Variants in TENM4 observed in about 807,000 individuals in gnomAD.
TENM4 encodes teneurin-4.
TENM4 carries 82 observed loss-of-function variants against 243.3 expected under a neutral mutation model. That is an observed-to-expected ratio of 0.34 (90% CI 0.28 to 0.40). The LOEUF (loss-of-function observed/expected upper bound fraction) is 0.40. TENM4 is among the 10% of genes least tolerant of loss of function. The probability of loss-of-function intolerance (pLI) is 1.00; values close to 1 mark genes in which losing one functional copy is unlikely to be tolerated. For missense variants in TENM4, 3,138 were observed against 3,673.3 expected (o/e 0.85, Z 3.77); for synonymous variants, 1,412 against 1,456.3 (o/e 0.97, Z 0.69).
chr11:78,670,120 G>A lies in TENM4; in HGVS notation c.6225C>T (p.Gly2075=). The change falls in exon 32 of 34, where the codon GGC becomes GGT. Residue 2075 remains glycine, a synonymous_variant. Coordinates refer to ENST00000278550, the MANE Select transcript of TENM4 (RefSeq NM_001098816.3). ...DRQIFRFTEE[G]MVNARFDYNY... ...TGTAGTCAAAACGGGCGTTGACCATGCCTTCCTCAGTGAAGCGGAAGATCT... is the reference window on the plus strand; with the variant it reads ...TGTAGTCAAAACGGGCGTTGACCATACCTTCCTCAGTGAAGCGGAAGATCT... 1 of 1,613,982 alleles carries A rather than the reference G, an allele frequency of 6.2e-7. No homozygotes were observed. Among genetic ancestry groups the A allele is most frequent in the Non-Finnish European group, 8.5e-7 (1 of 1,179,894 alleles).
intron 6 of TENM4, among the ~76,000 whole-genome samples, chr11:78,992,401 C>G (rs1031603210): frequency 6.6e-6 from 1 of 152,240 alleles, no homozygotes; most frequent in Non-Finnish European, 1.5e-5. Flanking sequence ...ATTGCCTTCT[C>G]TCTTGTACTG....
At chr11:79,174,991 A>G (rs1252634473) in intron 3 of TENM4, among the ~76,000 whole-genome samples, 2 of 152,180 alleles carry the variant, frequency 1.3e-5, no homozygotes, top group African/African-American at 4.8e-5. Context: ...GTAATATACT[A>G]TCTATCTCTA....
At chr11:78,836,812 T>A (rs1858127244) in intron 12 of TENM4, among the ~76,000 whole-genome samples, 1 of 152,312 alleles carries the variant, frequency 6.6e-6, no homozygotes. Flanking sequence ...GGCTAATGGT[T>A]TTAACTTAAT....
intron 26 of TENM4, among the ~76,000 whole-genome samples, chr11:78,709,829 G>A (rs1244522377): frequency 2.0e-5 from 3 of 152,220 alleles, no homozygotes; most frequent in African/African-American, 4.8e-5. Flanking sequence ...AATTCAGCGG[G>A]TGGCTAGGAC....
chr11:78,940,380 T>C (rs961667720), intron 6 of TENM4, among the ~76,000 whole-genome samples: 1 of 152,248 alleles, frequency 6.6e-6, no homozygotes. Flanking sequence ...GAATCATAAG[T>C]TCTGCCAAGG....
intron 3 of TENM4, among the ~76,000 whole-genome samples, chr11:79,198,830 C>T (rs1863686845): frequency 6.6e-6 from 1 of 152,150 alleles, no homozygotes; most frequent in Admixed American, 6.5e-5. Context: ...GAGATGATGG[C>T]ACTTGAAGAA....
chr11:79,401,000 G>A lies in TENM4; in HGVS notation c.-321+39509C>T, dbSNP rs975615226. Among the ~76,000 whole-genome samples, 3 of 152,182 alleles carry A rather than the reference G, an allele frequency of 2.0e-5. No individual in the cohort carries two copies. The East Asian group carries it at 5.8e-4, about 29-fold the overall frequency. ...CTTGGCCCTGAGAAGCTCTGATTGG[G>A]ATTTATAAGGCCTATGATTACTAAA... On this transcript the variant is annotated intron_variant, in intron 1 of 33. Transcript: ENST00000278550.
At chr11:78,666,380 C>G (rs957325444) in intron 32 of TENM4, among the ~76,000 whole-genome samples, 2 of 152,132 alleles carry the variant, frequency 1.3e-5, no homozygotes, top group Non-Finnish European at 2.9e-5. Context: ...TGTTTTATTG[C>G]AATGTAAAAT....
chr11:78,817,444 G>A (rs74600902), intron 12 of TENM4, among the ~76,000 whole-genome samples: 4 of 152,262 alleles, frequency 2.6e-5, no homozygotes, highest in South Asian at 2.1e-4. Flanking sequence ...ACGTGGCCTC[G>A]TTTCAGGGCA....
chr11:78,744,382 T>C (rs1855999674), intron 19 of TENM4, among the ~76,000 whole-genome samples: 1 of 152,264 alleles, frequency 6.6e-6, no homozygotes, highest in African/African-American at 2.4e-5. Context: ...AACATTCGAG[T>C]CAGAAGAACC....
intron 12 of TENM4, among the ~76,000 whole-genome samples, chr11:78,838,619 C>G (rs1858176881): frequency 7.7e-6 from 1 of 129,414 alleles, no homozygotes; most frequent in Non-Finnish European, 1.8e-5. Context: ...GAAAATTCCT[C>G]TAGGGGGCAG....
chr11:79,069,815 T>A lies in TENM4; in HGVS notation c.130A>T (p.Thr44Ser). 1 of 1,551,090 alleles carries A rather than the reference T, an allele frequency of 6.4e-7. No individual in the cohort carries two copies. The highest frequency in any genetic ancestry group is 8.7e-7 in the Non-Finnish European group (1 of 1,146,884). The part of the protein sequence containing the change: ...APQKSYSSSE[T>S]LKAYDQDARL... ...GCGTCCTGGTCGTAGGCCTTCAGGG[T>A]CTCGCTGGAGCTGTACGATTTCTGC... Residue 44 changes from threonine to serine, a missense_variant, in exon 5 of 34, where the codon ACC becomes TCC. Around this residue, in one of 2 missense-constraint regions of TENM4, gnomAD observed 671 missense variants for 614.1 expected, o/e 1.09. Transcript: ENST00000278550.
intron 6 of TENM4, among the ~76,000 whole-genome samples, chr11:79,049,287 C>T (rs764709476): frequency 1.1e-4 from 17 of 152,188 alleles, no homozygotes; most frequent in African/African-American, 2.9e-4. Flanking sequence ...CTACTCAGGA[C>T]GCATCATTTC....
At chr11:79,371,661 C>A (rs999374672) in intron 1 of TENM4, among the ~76,000 whole-genome samples, 4 of 152,194 alleles carry the variant, frequency 2.6e-5, no homozygotes, top group Admixed American at 1.3e-4. Flanking sequence ...TGCTTTCAGA[C>A]AAGCTAGGGA....
At chr11:79,381,435 C>T (rs1428338583) in intron 1 of TENM4, among the ~76,000 whole-genome samples, 1 of 151,798 alleles carries the variant, frequency 6.6e-6, no homozygotes, top group African/African-American at 2.4e-5. Context: ...GTAACCATGG[C>T]TTCTGCAGTG....
At chr11:79,269,594 G>C (rs1000239165) in intron 2 of TENM4, 2 of 152,432 alleles carry the variant, frequency 1.3e-5, no homozygotes, top group Non-Finnish European at 2.9e-5. Context: ...ACCTGGGAGA[G>C]AGCAGGGCTC....
At chr11:78,662,275 T>G (rs1858050242) in intron 32 of TENM4, among the ~76,000 whole-genome samples, 1 of 151,202 alleles carries the variant, frequency 6.6e-6, no homozygotes, top group Non-Finnish European at 1.5e-5. Context: ...CACTGCAACC[T>G]CTGTCTCCTG....
chr11:78,995,523 T>TA (rs924302015), intron 6 of TENM4, among the ~76,000 whole-genome samples: 1 of 152,138 alleles, frequency 6.6e-6, no homozygotes, highest in Non-Finnish European at 1.5e-5. Context: ...TTTGGATTTC[T>TA]AAAAAAATAG....
chr11:78,886,035 CCT>C (rs1855541018), intron 9 of TENM4, among the ~76,000 whole-genome samples: 1 of 152,168 alleles, frequency 6.6e-6, no homozygotes, highest in African/African-American at 2.4e-5. Context: ...TATTTTCCAC[CCT>C]CTGTTTCTGC....
Sources: gnomAD v4.1 joint callset for allele counts (sites outside exome capture counted in the v4.1 genomes callset) on GRCh38, gnomAD v4.1.1 for gene constraint, gnomAD v4.1.1 regional missense constraint, MANE v1.5 for transcripts, NCBI Gene and HGNC (gene_info 2026-07-23, HGNC 2026-07-21) for gene names.